Variants in TRIQK observed in about 807,000 individuals in gnomAD.
TRIQK encodes the protein triple QxxK/R motif-containing protein.
In TRIQK, 10 loss-of-function variants were observed where a neutral mutation model predicts 10.8. The ratio of observed to expected loss-of-function variants is 0.92; its 90% confidence interval spans 0.57 to 1.57. The LOEUF (loss-of-function observed/expected upper bound fraction) is 1.57. Ranked by LOEUF, TRIQK falls within the 40% of genes most tolerant of loss-of-function variation. The pLI is 0.00. For missense variants in TRIQK, 107 were observed against 97.7 expected (o/e 1.09, Z -0.40); for synonymous variants, 33 against 33.7 (o/e 0.98, Z 0.07).
Position 92,884,528 on chromosome 8 carries a change from A to G in TRIQK, c.*2094T>C, listed in dbSNP as rs1816370966. 3.6e-6 allele frequency: 1 copy of G among 277,950 alleles called. No homozygotes were observed. Among genetic ancestry groups the G allele is most frequent in the African/African-American group, 2.2e-5 (1 of 44,764 alleles). 17.2% of individuals were successfully genotyped at this position (277,950 alleles called of 1,614,324 possible). A position where few individuals can be genotyped will look rare whatever the true frequency, so the allele number is the denominator to read the frequency against. ...TAAAACTAGGCAGTGAAATTTGCCT[A>G]TAATTATACTATATTTAGATTAATA... is the stretch of plus-strand genomic sequence containing the variant. On this transcript the variant is annotated 3_prime_UTR_variant, in exon 5 of 5. Transcript: ENST00000521988.
intron 1 of TRIQK, among the ~76,000 whole-genome samples, chr8:93,017,432 C>T (rs1813396310): frequency 6.6e-6 from 1 of 152,158 alleles, no homozygotes; most frequent in African/African-American, 2.4e-5. Context: ...ACACAGTTGT[C>T]CACACTGCCA....
At chr8:92,887,623 A>G (rs1816556987) in intron 4 of TRIQK, among the ~76,000 whole-genome samples, 1 of 151,598 alleles carries the variant, frequency 6.6e-6, no homozygotes, top group Non-Finnish European at 1.5e-5. Context: ...GGGCTTACAT[A>G]CTATATTCTA....
At chr8:92,918,383 CTTG>C (rs1157030035) in intron 2 of TRIQK, among the ~76,000 whole-genome samples, 4 of 151,882 alleles carry the variant, frequency 2.6e-5, no homozygotes, top group Non-Finnish European at 5.9e-5. Flanking sequence ...CCCACCAACA[CTTG>C]TTATTTTTTG....
chr8:92,955,314 G>A (rs1387716181), intron 1 of TRIQK, among the ~76,000 whole-genome samples: 2 of 151,708 alleles, frequency 1.3e-5, no homozygotes, highest in Non-Finnish European at 2.9e-5. Flanking sequence ...CTTTTAAATA[G>A]TGTTAACAAT....
At chr8:92,925,823 T>A (rs1201128937) in intron 2 of TRIQK, among the ~76,000 whole-genome samples, 1 of 152,190 alleles carries the variant, frequency 6.6e-6, no homozygotes, top group Non-Finnish European at 1.5e-5. Context: ...CTACCAGCAA[T>A]TTTTGCACTT....
chr8:92,945,524 TC>T (rs1199812613), intron 2 of TRIQK, among the ~76,000 whole-genome samples: 3 of 152,226 alleles, frequency 2.0e-5, no homozygotes, highest in Non-Finnish European at 4.4e-5. Flanking sequence ...AAATTATTTT[TC>T]TTCCTCAATC....
intron 2 of TRIQK, among the ~76,000 whole-genome samples, chr8:92,933,959 G>A (rs749154359): frequency 2.6e-5 from 4 of 152,078 alleles, no homozygotes; most frequent in African/African-American, 9.6e-5. Flanking sequence ...AAGTAATTAG[G>A]TTTCCAAATT....
chr8:92,895,221 C>G lies in TRIQK; in HGVS notation c.62-3147G>C, dbSNP rs1586372950. 2.7e-5 allele frequency among the ~76,000 whole-genome samples: 4 copies of G among 150,106 alleles called. No individual in the cohort carries two copies. The South Asian group carries it at 8.3e-4, about 31-fold the overall frequency. On this transcript the variant is annotated intron_variant, in intron 3 of 4. Transcript: ENST00000521988. ...TCACAAGGCCCTTGCCAGAGGCAGGCCCCTCCAGCTTAGACTTCCCAGTCT... is the reference window on the plus strand; with the variant it reads ...TCACAAGGCCCTTGCCAGAGGCAGGGCCCTCCAGCTTAGACTTCCCAGTCT...
At chr8:92,916,123 TCTAA>T (rs1306798652) in intron 3 of TRIQK, among the ~76,000 whole-genome samples, 1 of 152,176 alleles carries the variant, frequency 6.6e-6, no homozygotes, top group Non-Finnish European at 1.5e-5. Flanking sequence ...CCTTTTTGCT[TCTAA>T]CTAATTTCTA....
At chr8:92,974,261 C>G (rs1812907058) in intron 1 of TRIQK, 1 of 152,420 alleles carries the variant, frequency 6.6e-6, no homozygotes, top group African/African-American at 2.4e-5. Context: ...CTTCCAGCTG[C>G]AGGGCCAGAA....
At chr8:92,974,273 T>G (rs1812907288) in intron 1 of TRIQK, 1 of 152,324 alleles carries the variant, frequency 6.6e-6, no homozygotes, top group South Asian at 2.1e-4. Flanking sequence ...GGGCCAGAAC[T>G]TGTATATCAT....
intron 1 of TRIQK, among the ~76,000 whole-genome samples, chr8:92,996,232 CT>C (rs1195653062): frequency 6.6e-6 from 1 of 152,100 alleles, no homozygotes; most frequent in Non-Finnish European, 1.5e-5. Flanking sequence ...CAGCACTACA[CT>C]TGGTGTAAGT....
intron 1 of TRIQK, among the ~76,000 whole-genome samples, chr8:92,999,250 C>G (rs1186515403): frequency 2.0e-5 from 3 of 152,076 alleles, no homozygotes; most frequent in African/African-American, 7.2e-5. Flanking sequence ...CCAGTAGTGG[C>G]TTGTGTTTTT....
At chr8:92,918,779 C>T (rs1012061291) in intron 2 of TRIQK, among the ~76,000 whole-genome samples, 2 of 150,868 alleles carry the variant, frequency 1.3e-5, no homozygotes, top group African/African-American at 4.9e-5. Context: ...GATCTTACCC[C>T]CCCCCACAAT....
chr8:92,898,567 T>G (rs899888038), intron 3 of TRIQK, among the ~76,000 whole-genome samples: 5 of 152,052 alleles, frequency 3.3e-5, no homozygotes, highest in Non-Finnish European at 7.4e-5. Context: ...TTCAGAGGTT[T>G]TTACTTTCCA....
chr8:92,919,881 G>A (rs1248344289), intron 2 of TRIQK, among the ~76,000 whole-genome samples: 3 of 151,568 alleles, frequency 2.0e-5, no homozygotes, highest in Non-Finnish European at 4.4e-5. Flanking sequence ...TATATGCCCA[G>A]GAATGTATTC....
intron 3 of TRIQK, among the ~76,000 whole-genome samples, chr8:92,902,234 G>A (rs1310222594): frequency 6.6e-6 from 1 of 151,988 alleles, no homozygotes; most frequent in Non-Finnish European, 1.5e-5. Context: ...TGGTGATGAC[G>A]CTTGCTGAAA....
At chr8:92,905,556 G>A (rs533664535) in intron 3 of TRIQK, among the ~76,000 whole-genome samples, 2 of 152,162 alleles carry the variant, frequency 1.3e-5, no homozygotes, top group South Asian at 2.1e-4. Context: ...CTTGGATGGC[G>A]GATCCATGGT....
At chr8:92,978,945 C>T (rs1465732331) in intron 1 of TRIQK, among the ~76,000 whole-genome samples, 1 of 152,030 alleles carries the variant, frequency 6.6e-6, no homozygotes, top group Non-Finnish European at 1.5e-5. Flanking sequence ...ACAGCTGATC[C>T]AATGAACACT....
Sources: gnomAD v4.1 joint callset for allele counts (sites outside exome capture counted in the v4.1 genomes callset) on GRCh38, gnomAD v4.1.1 for gene constraint, MANE v1.5 for transcripts, NCBI Gene and HGNC (gene_info 2026-07-23, HGNC 2026-07-21) for gene names.